Variants in TSHZ2 observed in about 807,000 individuals in gnomAD.
TSHZ2 encodes the protein teashirt homolog 2.
Under a neutral mutation model 74.4 loss-of-function variants are expected in TSHZ2, and 21 were observed. The ratio of observed to expected loss-of-function variants is 0.28; its 90% CI spans 0.20 to 0.41. The LOEUF is 0.41. TSHZ2 is among the 10% of genes least tolerant of loss of function. The pLI is 1.00. For missense variants in TSHZ2, 1,244 were observed against 1,293.5 expected (o/e 0.96, Z 0.59); for synonymous variants, 540 against 515.3 (o/e 1.05, Z -0.65).
intron 1 of TSHZ2, among the ~76,000 whole-genome samples, chr20:53,242,507 G>A (rs1990094680): frequency 1.3e-5 from 2 of 152,144 alleles, no homozygotes; most frequent in Admixed American, 1.3e-4. Flanking sequence ...CATGTCAGAT[G>A]AACATAAGCC....
chr20:53,174,382 G>C (rs1483128646), intron 1 of TSHZ2, among the ~76,000 whole-genome samples: 1 of 152,156 alleles, frequency 6.6e-6, no homozygotes, highest in African/African-American at 2.4e-5. Flanking sequence ...GTTGAGACCT[G>C]GGGACTCAAC....
chr20:53,123,187 T>C (rs1986859383), intron 1 of TSHZ2, among the ~76,000 whole-genome samples: 1 of 152,210 alleles, frequency 6.6e-6, no homozygotes. Context: ...TTCTATGAAG[T>C]AAATATTCTC....
chr20:53,050,143 A>ATATATATACACATATATATGTG, intron 1 of TSHZ2, among the ~76,000 whole-genome samples: 1 of 91,644 alleles, frequency 1.1e-5, no homozygotes, highest in Middle Eastern at 5.6e-3. Context: ...ATATATGTGT[A>ATATATATACACATATATATGTG]TATATATATA....
chr20:53,175,468 G>C (rs1031551394), intron 1 of TSHZ2, among the ~76,000 whole-genome samples: 11 of 151,916 alleles, frequency 7.2e-5, no homozygotes, highest in African/African-American at 2.7e-4. Flanking sequence ...TTCTGCCTTG[G>C]CCCTTGGTGG....
chr20:52,973,794 C>T (rs1021067675), intron 1 of TSHZ2, among the ~76,000 whole-genome samples: 1 of 152,186 alleles, frequency 6.6e-6, no homozygotes, highest in African/African-American at 2.4e-5. Flanking sequence ...ACTCGGGCTG[C>T]AGGCAGGCTT....
At chr20:53,414,608 A>C (rs1438987527) in intron 2 of TSHZ2, among the ~76,000 whole-genome samples, 1 of 152,190 alleles carries the variant, frequency 6.6e-6, no homozygotes, top group Admixed American at 6.5e-5. Context: ...CCAGGAGCTA[A>C]GATCATACCA....
rs1555847149 is a variant in TSHZ2 at position 53,294,148 on chromosome 20, G to GGGGCTGGATCATGGGCTGGATCTT, written c.*8+37587_*8+37588insATGGGCTGGATCTTGGGCTGGATC. Among the ~76,000 whole-genome samples the GGGGCTGGATCATGGGCTGGATCTT allele has an allele frequency of 2.6e-5, 4 of 151,572 alleles. No individual in the cohort carries two copies. In the East Asian group the frequency reaches 7.8e-4, roughly 29 times the overall value. The stretch of plus-strand genomic sequence containing the variant: ...TGTCATGAGCTCTTGTGAGCTAGGA[G>GGGGCTGGATCATGGGCTGGATCTT]GGGCTGGATCTTGGCAGGTCGCTTA... On this transcript the variant is annotated intron_variant, in intron 2 of 2. Coordinates refer to ENST00000371497, the MANE Select transcript of TSHZ2 (RefSeq NM_173485.6).
At chr20:53,398,984 G>A (rs1304089077) in intron 2 of TSHZ2, 1 of 152,192 alleles carries the variant, frequency 6.6e-6, no homozygotes, top group Admixed American at 6.5e-5. Flanking sequence ...GTGTTATGCT[G>A]TGTTCATTAC....
At chr20:53,210,224 G>A (rs1001419850) in intron 1 of TSHZ2, among the ~76,000 whole-genome samples, 1 of 152,164 alleles carries the variant, frequency 6.6e-6, no homozygotes, top group Admixed American at 6.5e-5. Flanking sequence ...TGCCATCCAC[G>A]GATGGCTAGA....
intron 1 of TSHZ2, among the ~76,000 whole-genome samples, chr20:53,112,263 A>T (rs1390828733): frequency 6.6e-6 from 1 of 152,174 alleles, no homozygotes; most frequent in East Asian, 1.9e-4. Context: ...CCTATGTCCC[A>T]CTGGACTTCA....
intron 1 of TSHZ2, among the ~76,000 whole-genome samples, chr20:53,221,736 G>A (rs530879432): frequency 5.9e-5 from 9 of 152,150 alleles, no homozygotes; most frequent in Admixed American, 2.6e-4. Context: ...ATATTGTTTC[G>A]TAAAAACAAA....
intron 2 of TSHZ2, among the ~76,000 whole-genome samples, chr20:53,353,133 C>T (rs545595995): frequency 1.3e-5 from 2 of 152,222 alleles, no homozygotes; most frequent in South Asian, 4.2e-4. Flanking sequence ...TAGTCTCACC[C>T]TTCGTAGAAA....
intron 1 of TSHZ2, among the ~76,000 whole-genome samples, chr20:53,196,908 C>T (rs1284978232): frequency 6.6e-6 from 1 of 152,254 alleles, no homozygotes; most frequent in East Asian, 1.9e-4. Context: ...CAGGAATATG[C>T]AGTACAGCCT....
At chr20:53,245,309 C>T (rs963640896) in intron 1 of TSHZ2, among the ~76,000 whole-genome samples, 11 of 152,220 alleles carry the variant, frequency 7.2e-5, no homozygotes, top group African/African-American at 2.7e-4. Context: ...GATCCTAAGG[C>T]TGAGGGGCCA....
At chr20:53,031,059 T>A (rs6091623) in intron 1 of TSHZ2, among the ~76,000 whole-genome samples, 1,580 of 152,328 alleles carry the variant, frequency 0.01, 31 homozygotes, top group African/African-American at 0.037. Flanking sequence ...AACATCCTTC[T>A]ATTTGCATCT....
intron 2 of TSHZ2, among the ~76,000 whole-genome samples, chr20:53,409,254 A>C (rs1555860107): frequency 6.6e-6 from 1 of 152,244 alleles, no homozygotes; most frequent in Non-Finnish European, 1.5e-5. Flanking sequence ...TTTTAATTCT[A>C]ATCTTTCTTC....
chr20:53,209,327 T>C (rs963710576), intron 1 of TSHZ2, among the ~76,000 whole-genome samples: 11 of 152,158 alleles, frequency 7.2e-5, no homozygotes, highest in Non-Finnish European at 1.5e-4. Context: ...CCTCAGGTAA[T>C]CCACCTGCCT....
chr20:53,058,128 G>C (rs978726716), intron 1 of TSHZ2, among the ~76,000 whole-genome samples: 2 of 152,290 alleles, frequency 1.3e-5, no homozygotes, highest in Non-Finnish European at 2.9e-5. Context: ...GCCCTTGAGA[G>C]AATCCAATGT....
intron 1 of TSHZ2, chr20:53,196,366 T>TAAAAAAAAAAAAAAAAAAAAAAAAAAA (rs34385917): frequency 1.8e-5 from 2 of 109,690 alleles, no homozygotes; most frequent in Admixed American, 1.1e-4. Context: ...AATCTGCTGC[T>TAAAAAAAAAAAAAAAAAAAAAAAAAAA]AAAAAAAAAA....
Sources: allele counts gnomAD v4.1 joint callset (sites outside exome capture counted in the v4.1 genomes callset), GRCh38; gene constraint gnomAD v4.1.1; transcripts MANE v1.5; gene names NCBI Gene and HGNC (gene_info 2026-07-23, HGNC 2026-07-21).